PPFIA2: variants seen among roughly 807,000 people sequenced by gnomAD.
The protein encoded by PPFIA2 is liprin-alpha-2.
Under a neutral mutation model 175.5 loss-of-function variants are expected in PPFIA2, and 46 were observed. The ratio of observed to expected loss-of-function variants is 0.26; its 90% CI spans 0.21 to 0.34. PPFIA2 has a LOEUF of 0.34. Ranked by LOEUF, PPFIA2 falls within the 10% of genes least tolerant of loss-of-function variation. The pLI is 1.00. For synonymous variants in PPFIA2, 568 were observed against 511.4 expected, an observed-to-expected ratio of 1.11 and a Z score of -1.49; for missense variants, 1,179 against 1,506.1, an observed-to-expected ratio of 0.78 and a Z score of 3.60.
chr12:81,600,677 G>T (rs959516171), intron 4 of PPFIA2, among the ~76,000 whole-genome samples: 21 of 151,842 alleles, frequency 1.4e-4, no homozygotes, highest in African/African-American at 4.6e-4. Flanking sequence ...GTGGAAATAA[G>T]TTATATATGT....
chr12:81,294,068 C>T (rs981909454), intron 24 of PPFIA2, among the ~76,000 whole-genome samples: 3 of 152,050 alleles, frequency 2.0e-5, no homozygotes, highest in Non-Finnish European at 2.9e-5. Context: ...CATGTCCTCA[C>T]TTGTAAGTGA....
At chr12:81,734,246 G>A (rs2153644788) in intron 3 of PPFIA2, among the ~76,000 whole-genome samples, 1 of 151,866 alleles carries the variant, frequency 6.6e-6, no homozygotes, top group Non-Finnish European at 1.5e-5. Context: ...TCTAAATAAA[G>A]GCTCACACAG....
chr12:81,620,181 A>AAT (rs2061895314), intron 4 of PPFIA2, among the ~76,000 whole-genome samples: 1 of 150,278 alleles, frequency 6.7e-6, no homozygotes, highest in Admixed American at 6.7e-5. Context: ...AAAAAAAAAA[A>AAT]AGAAGAAAGG....
intron 4 of PPFIA2, among the ~76,000 whole-genome samples, chr12:81,490,149 T>A (rs2059274061): frequency 6.6e-6 from 1 of 151,906 alleles, no homozygotes; most frequent in African/African-American, 2.4e-5. Context: ...AACACACAAT[T>A]CAAATTTACT....
chr12:81,435,782 T>C (rs144267681), intron 7 of PPFIA2, among the ~76,000 whole-genome samples: 1,564 of 152,176 alleles, frequency 0.01, 20 homozygotes, highest in Non-Finnish European at 0.015. Context: ...CCGTTCTGAA[T>C]TTGGGAATTG....
At chr12:81,738,738 TATAC>T (rs954876129) in intron 3 of PPFIA2, among the ~76,000 whole-genome samples, 3 of 151,146 alleles carry the variant, frequency 2.0e-5, no homozygotes, top group Admixed American at 1.3e-4. Flanking sequence ...TAAATACAAA[TATAC>T]AAGTATTTAC....
chr12:81,422,136 ATGTGTATATATATG>A (rs1455605299), intron 7 of PPFIA2, among the ~76,000 whole-genome samples: 1 of 70,214 alleles, frequency 1.4e-5, no homozygotes, highest in Non-Finnish European at 2.5e-5. Flanking sequence ...GTGTATATAT[ATGTGTATATATATG>A]TGTGTATATA....
chr12:81,369,245 T>G (rs2034429379), intron 11 of PPFIA2, 51 bp from the exon 12 acceptor site: 2 of 1,579,816 alleles, frequency 1.3e-6, no homozygotes, highest in East Asian at 2.3e-5. Context: ...TGGTTAACAC[T>G]TTTCCTCTAA....
At chr12:81,750,706 A>G (rs2083644112) in intron 3 of PPFIA2, among the ~76,000 whole-genome samples, 1 of 152,228 alleles carries the variant, frequency 6.6e-6, no homozygotes. Context: ...AAAATAATTT[A>G]CATGGTTAAA....
At chr12:81,540,872 A>G (rs908794486) in intron 4 of PPFIA2, among the ~76,000 whole-genome samples, 7 of 152,018 alleles carry the variant, frequency 4.6e-5, no homozygotes, top group African/African-American at 1.7e-4. Context: ...TCCTACTGCT[A>G]TATTATATTT....
At chr12:81,517,936 T>G in intron 4 of PPFIA2, among the ~76,000 whole-genome samples, 1 of 119,258 alleles carries the variant, frequency 8.4e-6, no homozygotes, top group Non-Finnish European at 1.7e-5. Flanking sequence ...ATGCCCCAGA[T>G]TGGCCTGTCG....
chr12:81,355,668 C>T (rs1369288684), intron 16 of PPFIA2, among the ~76,000 whole-genome samples: 1 of 152,192 alleles, frequency 6.6e-6, no homozygotes, highest in Non-Finnish European at 1.5e-5. Flanking sequence ...TGTTGCTTCA[C>T]CTTGCACTTT....
chr12:81,536,656 G>C (rs1304241317), intron 4 of PPFIA2, among the ~76,000 whole-genome samples: 1 of 147,926 alleles, frequency 6.8e-6, no homozygotes, highest in African/African-American at 2.5e-5. Context: ...TATATTTATT[G>C]AGTTTATTGC....
intron 14 of PPFIA2, 54 bp from the exon 15 acceptor site, chr12:81,362,838 T>C (rs1386237602): frequency 8.6e-6 from 9 of 1,051,664 alleles, no homozygotes; most frequent in Non-Finnish European, 1.3e-5. Flanking sequence ...CAAGCAATTA[T>C]GATAAATGAG....
At chr12:81,749,642 A>G (rs1428767283) in intron 3 of PPFIA2, among the ~76,000 whole-genome samples, 5 of 144,636 alleles carry the variant, frequency 3.5e-5, no homozygotes, top group African/African-American at 7.3e-5. Flanking sequence ...ATATATGTAT[A>G]GAAATGATCA....
chr12:81,351,306 G>A (rs2059961315), intron 17 of PPFIA2, among the ~76,000 whole-genome samples: 1 of 151,958 alleles, frequency 6.6e-6, no homozygotes, highest in Non-Finnish European at 1.5e-5. Context: ...ATTAAATTAT[G>A]TCTCACAGAT....
At chr12:81,630,265 G>A (rs1338626130) in intron 4 of PPFIA2, among the ~76,000 whole-genome samples, 1 of 152,170 alleles carries the variant, frequency 6.6e-6, no homozygotes, top group Admixed American at 6.5e-5. Context: ...ATAGTAATTT[G>A]TTGTAGGTGC....
At chr12:81,347,134 T>C (rs1294792948) in intron 18 of PPFIA2, among the ~76,000 whole-genome samples, 1 of 152,004 alleles carries the variant, frequency 6.6e-6, no homozygotes, top group African/African-American at 2.4e-5. Flanking sequence ...TTCTTTTTTT[T>C]TGAGATGCGG....
intron 4 of PPFIA2, among the ~76,000 whole-genome samples, chr12:81,581,715 AC>A (rs1464781282): frequency 1.5e-4 from 13 of 87,428 alleles, no homozygotes; most frequent in Admixed American, 7.4e-4. Context: ...CGTGAGTCAA[AC>A]AAAACAAAAC....
Sources: allele counts gnomAD v4.1 joint callset (sites outside exome capture counted in the v4.1 genomes callset), GRCh38; gene constraint gnomAD v4.1.1; transcripts MANE v1.5; gene names NCBI Gene and HGNC (gene_info 2026-07-23, HGNC 2026-07-21).